The following KCNQ1 variants were observed in gnomAD, a reference collection of about 807,000 sequenced individuals.
The protein encoded by KCNQ1 is potassium voltage-gated channel subfamily KQT member 1.
A neutral mutation model predicts 72.4 loss-of-function variants in KCNQ1; 49 were observed. That is an observed-to-expected ratio of 0.68 (90% CI 0.54 to 0.86). KCNQ1 has a LOEUF of 0.86. Among genes scored for constraint, KCNQ1 ranks in the 40% least tolerant of loss-of-function variants. KCNQ1 has a pLI of 0.00. For missense variants in KCNQ1, 790 were observed against 945.1 expected, an observed-to-expected ratio of 0.84 and a Z score of 2.15; for synonymous variants, 450 against 412.6, an observed-to-expected ratio of 1.09 and a Z score of -1.10.
rs552062475 is a variant in KCNQ1 at position 2,463,499 on chromosome 11, G to A, written c.386+18015G>A. On this transcript the variant is annotated intron_variant, in intron 1 of 15. Transcript: ENST00000155840. The surrounding 1 kb of genome is among the most constrained non-coding windows in gnomAD (Gnocchi z 7.0). ...GGGGCTCTGTAGCCTTCCTGGCTTC[G>A]GTCCCCTGGACAGGCTCCACCTCCC... Among the ~76,000 whole-genome samples, 16 of 152,206 alleles carry A rather than the reference G, an allele frequency of 1.1e-4. No homozygotes were observed. In the South Asian group the frequency reaches 2.3e-3, roughly 22 times the overall value.
chr11:2,580,337 G>C (rs1168882915), intron 6 of KCNQ1, among the ~76,000 whole-genome samples: 7 of 152,120 alleles, frequency 4.6e-5, no homozygotes, highest in Non-Finnish European at 1.0e-4. Context: ...CGTGGGCATT[G>C]TGCCATCACT....
Position 2,657,931 on chromosome 11 carries a change from A to T in KCNQ1, c.1394-4030A>T, listed in dbSNP as rs975595977. The T allele has an allele frequency of 5.0e-5, 20 of 398,476 alleles. No homozygotes were observed. The highest frequency in any genetic ancestry group is 7.5e-5 in the Non-Finnish European group (17 of 226,062). 24.7% of individuals were successfully genotyped at this position (398,476 alleles called of 1,614,324 possible). On this transcript the variant is annotated intron_variant, in intron 10 of 15. Coordinates refer to ENST00000155840, the MANE Select transcript of KCNQ1 (RefSeq NM_000218.3). The surrounding 1 kb of genome is among the most constrained non-coding windows in gnomAD (Gnocchi z 4.8). ...GAACATGACATCAACATGGTTTATC[A>T]CTGGTAATATTAACCTTGAGCCACT...
At chr11:2,500,524 G>A (rs1024576570) in intron 1 of KCNQ1, among the ~76,000 whole-genome samples, 1 of 152,142 alleles carries the variant, frequency 6.6e-6, no homozygotes, top group African/African-American at 2.4e-5. Context: ...CCATTACTGG[G>A]TATATACCCA....
rs1850880384 is a variant in KCNQ1 at position 2,704,829 on chromosome 11, A to G, written c.1514+42748A>G. ...CAGCATCCAACAGGGGTAGCAGCCT[A>G]GTGCATGTATGACCACGAGCGAGCC... On this transcript the variant is annotated intron_variant, in intron 11 of 15. Transcript: ENST00000155840. The surrounding 1 kb of genome is among the most constrained non-coding windows in gnomAD (Gnocchi z 4.3). 6.6e-6 allele frequency among the ~76,000 whole-genome samples: 1 copy of G among 152,146 alleles called. No homozygotes were observed. The highest frequency in any genetic ancestry group is 2.4e-5 in the African/African-American group (1 of 41,428).
At chr11:2,534,817 G>A (rs984223030) in intron 2 of KCNQ1, among the ~76,000 whole-genome samples, 2 of 152,374 alleles carry the variant, frequency 1.3e-5, no homozygotes, top group Middle Eastern at 3.4e-3. Context: ...CATTTGTTCA[G>A]CCAGCAAATC....
intron 15 of KCNQ1, among the ~76,000 whole-genome samples, chr11:2,811,651 A>G (rs773313298): frequency 1.3e-5 from 2 of 152,210 alleles, no homozygotes; most frequent in Non-Finnish European, 2.9e-5. Context: ...CTGCACATTC[A>G]GGATGGGGAT....
In KCNQ1 at chr11:2,828,219, G is replaced by T. The variant is rs1847877583; in HGVS notation, c.1795-19548G>T. Among the ~76,000 whole-genome samples the T allele has an allele frequency of 6.6e-6, 1 of 152,196 alleles. No homozygotes were observed. The highest frequency in any genetic ancestry group is 2.4e-5 in the African/African-American group (1 of 41,442). On this transcript the variant is annotated intron_variant, in intron 15 of 15. Transcript: ENST00000155840. The surrounding 1 kb of genome is among the most constrained non-coding windows in gnomAD (Gnocchi z 5.3). ...CTAGCACCCAAGAAGAAAACTCTGA[G>T]AAGTCAGGACAGGAGATGGTGTCGT...
In KCNQ1 at chr11:2,818,878, A is replaced by C. The variant is rs1847676498; in HGVS notation, c.1795-28889A>C. ...TTCCCCCAACCCCCAGGCCCAGCAG[A>C]ATCACATCTAGGAGAGTGGGCCACA... On this transcript the variant is annotated intron_variant, in intron 15 of 15. Coordinates refer to ENST00000155840, the MANE Select transcript of KCNQ1 (RefSeq NM_000218.3). This position sits in a 1 kb window ranked among gnomAD's most constrained non-coding sequence, Gnocchi z 7.2. Among the ~76,000 whole-genome samples the C allele has an allele frequency of 6.6e-6, 1 of 152,082 alleles. No individual in the cohort carries two copies. Among genetic ancestry groups the C allele is most frequent in the Non-Finnish European group, 1.5e-5 (1 of 68,014 alleles).
Position 2,671,008 on chromosome 11 carries a change from G to A in KCNQ1, c.1514+8927G>A. On this transcript the variant is annotated intron_variant, in intron 11 of 15. Transcript: ENST00000155840. This position sits in a 1 kb window ranked among gnomAD's most constrained non-coding sequence, Gnocchi z 4.7. The stretch of plus-strand genomic sequence containing the variant: ...TTCATGCTTTAGATATGTGGGCCCT[G>A]TTAGGGACAACGTAGGTGTCCTGGG... 2.5e-6 allele frequency: 1 copy of A among 398,618 alleles called. No individual in the cohort carries two copies. The highest frequency in any genetic ancestry group is 4.4e-6 in the Non-Finnish European group (1 of 226,074). The allele number at this position is 398,618 out of a possible 1,614,324, so 24.7% of individuals were successfully genotyped here. A position where few individuals can be genotyped will look rare whatever the true frequency, so the allele number is the denominator to read the frequency against.
At chr11:2,535,234 A>T (rs1185896176) in intron 2 of KCNQ1, among the ~76,000 whole-genome samples, 1 of 152,188 alleles carries the variant, frequency 6.6e-6, no homozygotes, top group African/African-American at 2.4e-5. Flanking sequence ...GGGTAAGGGT[A>T]GCGAAGGTGA....
intron 1 of KCNQ1, among the ~76,000 whole-genome samples, chr11:2,504,373 CA>C (rs112373422): frequency 0.014 from 2,052 of 143,940 alleles, 50 homozygotes; most frequent in African/African-American, 0.048. Context: ...TTAATGGAAA[CA>C]AAAAAAAAAT....
At position 2,579,377 on chromosome 11, in the gene KCNQ1, C is replaced by T. The variant is rs1346019959; in HGVS notation, c.922-4058C>T. Among the ~76,000 whole-genome samples the T allele has an allele frequency of 6.6e-6, 1 of 152,204 alleles. No homozygotes were observed. Among genetic ancestry groups the T allele is most frequent in the African/African-American group, 2.4e-5 (1 of 41,450 alleles). On this transcript the variant is annotated intron_variant, in intron 6 of 15. Transcript: ENST00000155840. The surrounding 1 kb of genome is among the most constrained non-coding windows in gnomAD (Gnocchi z 6.0). ...GGTGTGCGTTCCCCGCTCGCCCCCACAGTTCCTGCCATGGGCGTGACTTTG... is the reference window on the plus strand; with the variant it reads ...GGTGTGCGTTCCCCGCTCGCCCCCATAGTTCCTGCCATGGGCGTGACTTTG...
rs1847869422 is a variant in KCNQ1 at position 2,827,765 on chromosome 11, T to A, written c.1795-20002T>A. ...GGAGTTGGGCGCTTGAGGGAGGAAA[T>A]GGGGGTACACTTCAGCGGCTCAGGC... On this transcript the variant is annotated intron_variant, in intron 15 of 15. Coordinates refer to ENST00000155840, the MANE Select transcript of KCNQ1 (RefSeq NM_000218.3). This position sits in a 1 kb window ranked among gnomAD's most constrained non-coding sequence, Gnocchi z 6.7. 6.6e-6 allele frequency among the ~76,000 whole-genome samples: 1 copy of A among 150,532 alleles called. No homozygotes were observed. The highest frequency in any genetic ancestry group is 1.5e-5 in the Non-Finnish European group (1 of 67,724).
Position 2,669,133 on chromosome 11 carries a change from T to A in KCNQ1, c.1514+7052T>A. 2.5e-6 allele frequency: 1 copy of A among 398,708 alleles called. No individual in the cohort carries two copies. The highest frequency in any genetic ancestry group is 3.6e-5 in the East Asian group (1 of 28,078). 24.7% of individuals were successfully genotyped at this position (398,708 alleles called of 1,614,324 possible). A position where few individuals can be genotyped will look rare whatever the true frequency, so the allele number is the denominator to read the frequency against. On this transcript the variant is annotated intron_variant, in intron 11 of 15. Coordinates refer to ENST00000155840, the MANE Select transcript of KCNQ1 (RefSeq NM_000218.3). The surrounding 1 kb of genome is among the most constrained non-coding windows in gnomAD (Gnocchi z 5.6). ...CGTGTGGCTCTGTTTCTGGACCCTATTGGGTGCCACTGGTCAGATTCAAGT... is the reference window on the plus strand; with the variant it reads ...CGTGTGGCTCTGTTTCTGGACCCTAATGGGTGCCACTGGTCAGATTCAAGT...
At position 2,651,911 on chromosome 11, in the gene KCNQ1, C is replaced by T. The variant is rs965294547; in HGVS notation, c.1394-10050C>T. 3.0e-5 allele frequency: 12 copies of T among 398,602 alleles called. No individual in the cohort carries two copies. The highest frequency in any genetic ancestry group is 1.9e-4 in the African/African-American group (9 of 48,610). The allele number at this position is 398,602 out of a possible 1,614,324, so 24.7% of individuals were successfully genotyped here. ...TCATAGCCGAGGGTCCCTCTGGGGC[C>T]GCTTGCTCTCCTCCTACTCACAGCC... On this transcript the variant is annotated intron_variant, in intron 10 of 15. Coordinates refer to ENST00000155840, the MANE Select transcript of KCNQ1 (RefSeq NM_000218.3). This position sits in a 1 kb window ranked among gnomAD's most constrained non-coding sequence, Gnocchi z 6.1.
chr11:2,539,182 CCT>C (rs1362311998), intron 2 of KCNQ1, among the ~76,000 whole-genome samples: 1 of 152,216 alleles, frequency 6.6e-6, no homozygotes, highest in Non-Finnish European at 1.5e-5. Flanking sequence ...CAGAACACCT[CCT>C]CCAGATCTCC....
At chr11:2,520,060 T>G (rs1847355589) in intron 1 of KCNQ1, among the ~76,000 whole-genome samples, 1 of 152,238 alleles carries the variant, frequency 6.6e-6, no homozygotes, top group African/African-American at 2.4e-5. Context: ...CCCCCCAGGA[T>G]GACGTATGGC....
At chr11:2,800,664 C>G (rs558392947) in intron 15 of KCNQ1, among the ~76,000 whole-genome samples, 1 of 152,202 alleles carries the variant, frequency 6.6e-6, no homozygotes, top group Non-Finnish European at 1.5e-5. Context: ...CAAGGTCCAA[C>G]GCCCAGCTTA....
At position 2,715,483 on chromosome 11, in the gene KCNQ1, G is replaced by T. The variant is rs1001651196; in HGVS notation, c.1515-53361G>T. Reference sequence around the variant, plus strand: ...TGCAGCCTGGCTCAGGCAGGGGCATGTGTGAAGGCCCAGGGGGAAGAGAGC... The same window carrying T: ...TGCAGCCTGGCTCAGGCAGGGGCATTTGTGAAGGCCCAGGGGGAAGAGAGC... On this transcript the variant is annotated intron_variant, in intron 11 of 15. Transcript: ENST00000155840. This position sits in a 1 kb window ranked among gnomAD's most constrained non-coding sequence, Gnocchi z 4.9. 6.6e-6 allele frequency among the ~76,000 whole-genome samples: 1 copy of T among 152,198 alleles called. No homozygotes were observed. The highest frequency in any genetic ancestry group is 2.4e-5 in the African/African-American group (1 of 41,542).
Sources: gnomAD v4.1 joint callset for allele counts (sites outside exome capture counted in the v4.1 genomes callset) on GRCh38, gnomAD v4.1.1 for gene constraint, Gnocchi (gnomAD v3.1) non-coding constraint, MANE v1.5 for transcripts, NCBI Gene and HGNC (gene_info 2026-07-23, HGNC 2026-07-21) for gene names.